Variants in DIO2 observed in about 807,000 individuals in gnomAD.
DIO2 encodes type II iodothyronine deiodinase.
In DIO2, 19 loss-of-function variants were observed where a neutral mutation model predicts 21.4. The ratio of observed to expected loss-of-function variants is 0.89; its 90% CI spans 0.62 to 1.30. The LOEUF is 1.30. Ranked by LOEUF, DIO2 falls within the 50% of genes most tolerant of loss-of-function variation. The pLI is 0.00. For synonymous variants in DIO2, 122 were observed against 132.9 expected (o/e 0.92, Z 0.57); for missense variants, 302 against 338.1 (o/e 0.89, Z 0.84).
In DIO2 at chr14:80,221,692, A is replaced by G. The variant is rs556524932; in HGVS notation, c.-277-4955T>C. On this transcript the variant is annotated intron_variant, in intron 2 of 4. Transcript: ENST00000553594. Reference sequence around the variant, plus strand: ...TGATAAGAATTCATGGAAGTAATCAATACCAAACTAATGTGTTTCTTAATG... The same window carrying G: ...TGATAAGAATTCATGGAAGTAATCAGTACCAAACTAATGTGTTTCTTAATG... 2.6e-5 allele frequency among the ~76,000 whole-genome samples: 4 copies of G among 152,334 alleles called. No homozygotes were observed. In the South Asian group the frequency reaches 6.2e-4, roughly 24 times the overall value.
At chr14:80,215,082 G>A (rs557902811), upstream of DIO2, among the ~76,000 whole-genome samples, 1 of 152,160 alleles carries the variant, frequency 6.6e-6, no homozygotes, top group African/African-American at 2.4e-5. Context: ...TCTTTCAAAG[G>A]GCTTGGCTAT....
At chr14:80,212,319 A>T (rs1423115048), upstream of DIO2, 1 of 149,930 alleles carries the variant, frequency 6.7e-6, no homozygotes, top group African/African-American at 2.4e-5. Flanking sequence ...AGTGAATAGA[A>T]AAGCAAAACT....
chr14:80,202,503 T>TC lies in DIO2; in HGVS notation c.*185_*186insG, dbSNP rs991962202. On this transcript the variant is annotated 3_prime_UTR_variant, in exon 2 of 2. Transcript: ENST00000438257. Reference sequence around the variant, plus strand: ...TAAGAAGAGAGGTGATATGGTTACTTACTCAGCCCAATGCCATTTGAGTAG... The same window carrying TC: ...TAAGAAGAGAGGTGATATGGTTACTTCACTCAGCCCAATGCCATTTGAGTAG... The TC allele has an allele frequency of 2.9e-5, 21 of 736,144 alleles. No individual in the cohort carries two copies. Among genetic ancestry groups the TC allele is most frequent in the Non-Finnish European group, 4.5e-5 (19 of 423,834 alleles). 45.6% of individuals were successfully genotyped at this position (736,144 alleles called of 1,614,324 possible). A position where few individuals can be genotyped will look rare whatever the true frequency, so the allele number is the denominator to read the frequency against.
In DIO2 at chr14:80,211,291, C is replaced by T. The variant is rs571944276; in HGVS notation, c.182G>A (p.Arg61His). Residue 61 changes from arginine (R) to histidine (H), a missense_variant, in exon 1 of 2, where the codon CGC becomes CAC. Transcript: ENST00000438257. ...GAGGAGGAAGCTCTTCCAGACGCAGCGCAGTCCCTCTGAGGTCAGCATGCG... is the reference window on the plus strand; with the variant it reads ...GAGGAGGAAGCTCTTCCAGACGCAGTGCAGTCCCTCTGAGGTCAGCATGCG... ...WRRMLTSEGL[R>H]CVWKSFLLDA... 9 of 1,612,972 alleles carry T rather than the reference C, an allele frequency of 5.6e-6. No individual in the cohort carries two copies. In the South Asian group the frequency reaches 6.6e-5, roughly 12 times the overall value.
Position 80,210,312 on chromosome 14 carries a change from A to G in DIO2, c.222+939T>C, listed in dbSNP as rs746785708. 7.2e-5 allele frequency among the ~76,000 whole-genome samples: 11 copies of G among 152,196 alleles called. No individual in the cohort carries two copies. In the South Asian group the frequency reaches 1.0e-3, roughly 14 times the overall value. The stretch of plus-strand genomic sequence containing the variant: ...TCTGTGCCCCTGAAGATCTTAGTTG[A>G]AAATGCTCTACTAACATCTCTCACC... On this transcript the variant is annotated intron_variant, in intron 1 of 1. Transcript: ENST00000438257.
chr14:80,209,350 GTT>G (rs200502602), intron 1 of DIO2, among the ~76,000 whole-genome samples: 2 of 144,044 alleles, frequency 1.4e-5, no homozygotes, highest in Non-Finnish European at 1.5e-5. Flanking sequence ...CTTCCAATAA[GTT>G]TTTTTTTTTT....
upstream of DIO2, chr14:80,211,816 C>G (rs963028126): frequency 2.5e-5 from 3 of 120,608 alleles, no homozygotes; most frequent in South Asian, 9.2e-4. Context: ...CTGGCGTACT[C>G]GTCCCTAATC....
intron 2 of DIO2, among the ~76,000 whole-genome samples, chr14:80,220,299 C>G (rs1935730820): frequency 6.6e-6 from 1 of 152,144 alleles, no homozygotes; most frequent in Non-Finnish European, 1.5e-5. Flanking sequence ...CATCCTTTGT[C>G]TCCTTTTCAA....
At chr14:80,225,841 C>T (rs1329818056) in intron 2 of DIO2, among the ~76,000 whole-genome samples, 9 of 152,156 alleles carry the variant, frequency 5.9e-5, no homozygotes, top group African/African-American at 2.2e-4. Flanking sequence ...GATGAAATCA[C>T]TCCAGCCAAC....
rs371205072 is a variant in DIO2 at position 80,227,177 on chromosome 14, T to C, written c.-277-10440A>G. 1.2e-4 allele frequency among the ~76,000 whole-genome samples: 18 copies of C among 152,286 alleles called. No individual in the cohort carries two copies. The East Asian group carries it at 2.3e-3, about 20-fold the overall frequency. On this transcript the variant is annotated intron_variant, in intron 2 of 4. Transcript: ENST00000553594. ...ACTCTCAGGTGGTGCCTGCATATCA[T>C]GCACAACCATCTGTGAACCAGGCCC...
At chr14:80,227,877 T>A (rs1888607125) in intron 2 of DIO2, among the ~76,000 whole-genome samples, 1 of 152,204 alleles carries the variant, frequency 6.6e-6, no homozygotes, top group Admixed American at 6.5e-5. Flanking sequence ...CACTAGGCGT[T>A]GTGCCTCTTT....
intron 2 of DIO2, among the ~76,000 whole-genome samples, chr14:80,221,661 A>G (rs1888468042): frequency 6.6e-6 from 1 of 152,348 alleles, no homozygotes; most frequent in African/African-American, 2.4e-5. Flanking sequence ...ATAAAACAGA[A>G]GCAGATGATA....
intron 2 of DIO2, among the ~76,000 whole-genome samples, chr14:80,218,926 C>G (rs1261284503): frequency 1.3e-5 from 2 of 151,902 alleles, no homozygotes; most frequent in Non-Finnish European, 2.9e-5. Context: ...TGCAGTGAGC[C>G]GAGATTGGGC....
intron 2 of DIO2, chr14:80,219,425 A>T (rs146283738): frequency 6.6e-6 from 1 of 152,288 alleles, no homozygotes; most frequent in Non-Finnish European, 1.5e-5. Flanking sequence ...TGAGAAAAGG[A>T]ATAGGAAAAA....
At position 80,201,375 on chromosome 14, in the gene DIO2, T is replaced by A. The variant is rs1887715178; in HGVS notation, c.*1314A>T. 1 of 152,154 alleles carries A rather than the reference T, an allele frequency of 6.6e-6. No individual in the cohort carries two copies. The highest frequency in any genetic ancestry group is 1.5e-5 in the Non-Finnish European group (1 of 68,026). The allele number at this position is 152,154 out of a possible 1,614,324, so 9.4% of individuals were successfully genotyped here. On this transcript the variant is annotated 3_prime_UTR_variant, in exon 2 of 2. Transcript: ENST00000438257. ...TTCTATTTTGCAATGGAAGTAAGCT[T>A]GTTTGTTTGCACCTATTCTTCACTA...
chr14:80,224,315 C>G (rs949188970), intron 2 of DIO2, among the ~76,000 whole-genome samples: 1 of 152,080 alleles, frequency 6.6e-6, no homozygotes, highest in Non-Finnish European at 1.5e-5. Context: ...ATTCCACCAC[C>G]TCCAACCAAC....
intron 2 of DIO2, among the ~76,000 whole-genome samples, chr14:80,221,743 T>A (rs1888470123): frequency 2.0e-5 from 3 of 152,048 alleles, no homozygotes; most frequent in East Asian, 3.8e-4. Context: ...TGAAACTTCA[T>A]TCATACAAAA....
chr14:80,217,284 A>G (rs9972275), intron 2 of DIO2, among the ~76,000 whole-genome samples: 24,255 of 152,174 alleles, frequency 0.16, 2,673 homozygotes, highest in East Asian at 0.3. Context: ...AAGGTAGGGA[A>G]GAAGGCTAAT....
intron 2 of DIO2, among the ~76,000 whole-genome samples, chr14:80,222,251 C>A (rs563429639): frequency 6.6e-6 from 1 of 152,074 alleles, no homozygotes; most frequent in Non-Finnish European, 1.5e-5. Flanking sequence ...CATAAAAATG[C>A]CAGGGCAATC....
Sources: allele counts gnomAD v4.1 joint callset (sites outside exome capture counted in the v4.1 genomes callset), GRCh38; gene constraint gnomAD v4.1.1; transcripts MANE v1.5; gene names NCBI Gene and HGNC (gene_info 2026-07-23, HGNC 2026-07-21).